The following IPP variants were observed in gnomAD, a reference collection of about 807,000 sequenced individuals.
The protein encoded by IPP is intracisternal A particle-promoted polypeptide.
Under a neutral mutation model 64.1 loss-of-function variants are expected in IPP, and 41 were observed. The observed-to-expected ratio is 0.64, with a 90% CI of 0.50 to 0.83. The LOEUF (loss-of-function observed/expected upper bound fraction) is 0.83, where lower values mean the gene tolerates loss of function less well. Ranked by LOEUF, IPP falls within the 40% of genes least tolerant of loss-of-function variation. The probability of loss-of-function intolerance (pLI) is 0.00; values close to 1 mark genes in which losing one functional copy is unlikely to be tolerated. For synonymous variants in IPP, 214 were observed against 235.2 expected, an observed-to-expected ratio of 0.91 and a Z score of 0.83; for missense variants, 649 against 703.0, an observed-to-expected ratio of 0.92 and a Z score of 0.87.
intron 7 of IPP, among the ~76,000 whole-genome samples, chr1:45,715,095 T>C (rs1039890352): frequency 1.3e-5 from 2 of 150,064 alleles, no homozygotes; most frequent in Non-Finnish European, 2.9e-5. Flanking sequence ...CTTAGGAGAC[T>C]GAGGTGGGAG....
intron 2 of IPP, among the ~76,000 whole-genome samples, chr1:45,744,512 T>C (rs1646108837): frequency 6.6e-6 from 1 of 152,030 alleles, no homozygotes; most frequent in Non-Finnish European, 1.5e-5. Context: ...TAGCTGGGAC[T>C]AAAGACACAA....
intron 1 of IPP, among the ~76,000 whole-genome samples, chr1:45,750,233 G>T (rs1239743761): frequency 2.6e-5 from 4 of 152,172 alleles, no homozygotes; most frequent in Non-Finnish European, 5.9e-5. Context: ...TGAGTTGGGG[G>T]CCCGGCCTAG....
At position 45,699,886 on chromosome 1, in the gene IPP, C is replaced by A. The variant is rs1645428847; in HGVS notation, c.*80G>T. 6.4e-7 allele frequency: 1 copy of A among 1,561,432 alleles called. No homozygotes were observed. The highest frequency in any genetic ancestry group is 1.2e-5 in the South Asian group (1 of 82,126). ...AACTCACAGAATCAGAGGGTCTTATCACCAAATCTATGTTTGCTTTGCAAA... is the reference window on the plus strand; with the variant it reads ...AACTCACAGAATCAGAGGGTCTTATAACCAAATCTATGTTTGCTTTGCAAA... On this transcript the variant is annotated 3_prime_UTR_variant, in exon 9 of 9. Transcript: ENST00000396478.
intron 3 of IPP, among the ~76,000 whole-genome samples, chr1:45,739,394 G>A (rs1283684088): frequency 6.7e-6 from 1 of 148,480 alleles, no homozygotes; most frequent in African/African-American, 2.5e-5. Flanking sequence ...CCACCGTGCT[G>A]GGCTAATTTT....
intron 8 of IPP, among the ~76,000 whole-genome samples, chr1:45,706,671 G>A (rs911595628): frequency 5.3e-5 from 8 of 152,156 alleles, no homozygotes; most frequent in South Asian, 2.1e-4. Flanking sequence ...GGCTGATCTC[G>A]AACTCCTTAC....
At chr1:45,734,106 TA>T (rs1209345134) in intron 3 of IPP, among the ~76,000 whole-genome samples, 28 of 152,030 alleles carry the variant, frequency 1.8e-4, no homozygotes, top group African/African-American at 6.7e-4. Flanking sequence ...ACTACAAATA[TA>T]TATATAAATA....
chr1:45,723,982 C>T (rs142876656), intron 5 of IPP, among the ~76,000 whole-genome samples: 1 of 150,024 alleles, frequency 6.7e-6, no homozygotes, highest in Admixed American at 6.7e-5. Context: ...CCCTCCCCCT[C>T]CCTCTCCCTC....
intron 2 of IPP, among the ~76,000 whole-genome samples, chr1:45,744,825 G>A (rs1003418499): frequency 2.0e-5 from 3 of 149,404 alleles, no homozygotes; most frequent in Admixed American, 6.7e-5. Context: ...GTGACAGAGC[G>A]AGACTCTGTC....
intron 5 of IPP, among the ~76,000 whole-genome samples, chr1:45,721,102 G>A (rs928279093): frequency 6.6e-6 from 1 of 152,160 alleles, no homozygotes; most frequent in Admixed American, 6.6e-5. Flanking sequence ...TGAGGGTCTA[G>A]AATCCTGAAT....
chr1:45,739,316 C>T (rs1646025692), intron 3 of IPP, among the ~76,000 whole-genome samples: 1 of 152,024 alleles, frequency 6.6e-6, no homozygotes, highest in African/African-American at 2.4e-5. Flanking sequence ...TCAATGTAGC[C>T]TTGACCTCCT....
At chr1:45,714,048 A>T (rs1354156630) in intron 8 of IPP, among the ~76,000 whole-genome samples, 198 bp downstream of exon 8, 2 of 152,162 alleles carry the variant, frequency 1.3e-5, no homozygotes, top group Non-Finnish European at 2.9e-5. Flanking sequence ...ATGGAAAAGT[A>T]AGAACAGAAA....
Position 45,699,156 on chromosome 1 carries a change from A to C in IPP, c.*810T>G, listed in dbSNP as rs192144933. On this transcript the variant is annotated 3_prime_UTR_variant, in exon 9 of 9. Coordinates refer to ENST00000396478, the MANE Select transcript of IPP (RefSeq NM_005897.3). ...CAGGATCAAGACAAAAAATATGAGC[A>C]AGCAAAAACTTATCATCAAGCAAAA... 2.3e-5 allele frequency: 23 copies of C among 985,422 alleles called. No homozygotes were observed. In the African/African-American group the frequency reaches 3.3e-4, roughly 14 times the overall value. The allele number at this position is 985,422 out of a possible 1,614,324, so 61.0% of individuals were successfully genotyped here. A position where few individuals can be genotyped will look rare whatever the true frequency, so the allele number is the denominator to read the frequency against.
At position 45,699,704 on chromosome 1, in the gene IPP, C is replaced by T. The variant is rs1036329375; in HGVS notation, c.*262G>A. On this transcript the variant is annotated 3_prime_UTR_variant, in exon 9 of 9. Coordinates refer to ENST00000396478, the MANE Select transcript of IPP (RefSeq NM_005897.3). Reference sequence around the variant, plus strand: ...AAGAGACAGGATCTCATTCTGTTGCCCAGAGTGGAGTGCAGTGGCATGATC... The same window carrying T: ...AAGAGACAGGATCTCATTCTGTTGCTCAGAGTGGAGTGCAGTGGCATGATC... 15 of 1,131,088 alleles carry T rather than the reference C, an allele frequency of 1.3e-5. No homozygotes were observed. Among genetic ancestry groups the T allele is most frequent in the Middle Eastern group, 3.4e-4 (1 of 2,930 alleles). The allele number at this position is 1,131,088 out of a possible 1,614,324, so 70.1% of individuals were successfully genotyped here.
chr1:45,698,278 G>A (rs1645404752), downstream of IPP, among the ~76,000 whole-genome samples: 1 of 152,070 alleles, frequency 6.6e-6, no homozygotes, highest in African/African-American at 2.4e-5. Flanking sequence ...GGCAACAAGA[G>A]CAAAATTCCA....
intron 8 of IPP, among the ~76,000 whole-genome samples, chr1:45,705,931 C>A (rs1449848455): frequency 2.0e-5 from 3 of 152,074 alleles, no homozygotes; most frequent in Non-Finnish European, 2.9e-5. Flanking sequence ...CCTGGAGGGG[C>A]TTTTTGAAAA....
intron 2 of IPP, among the ~76,000 whole-genome samples, chr1:45,743,535 T>C (rs28844317): frequency 0.53 from 80,088 of 151,392 alleles, 21,287 homozygotes; most frequent in Middle Eastern, 0.6. Context: ...GCAACATAGC[T>C]AGACATAATC....
At chr1:45,739,867 G>A (rs997486936) in intron 3 of IPP, among the ~76,000 whole-genome samples, 10 of 146,778 alleles carry the variant, frequency 6.8e-5, no homozygotes, top group African/African-American at 1.3e-4. Flanking sequence ...GGTGTTTCTC[G>A]TAGAGGGGGA....
At chr1:45,750,390 G>A (rs1056213392) in intron 1 of IPP, among the ~76,000 whole-genome samples, 1 of 152,172 alleles carries the variant, frequency 6.6e-6, no homozygotes, top group African/African-American at 2.4e-5. Context: ...GGCGGGGGAG[G>A]CAGGAGCGGT....
rs377153035 is a variant in IPP, at chr1:45,746,163, A to G, written c.249T>C (p.Ile83=). 15 of 1,613,944 alleles carry G rather than the reference A, an allele frequency of 9.3e-6. No homozygotes were observed. In the East Asian group the frequency reaches 3.1e-4, roughly 34 times the overall value. Residue 83 remains isoleucine, a synonymous_variant, in exon 2 of 9, where the codon ATT becomes ATC. Coordinates refer to ENST00000396478, the MANE Select transcript of IPP (RefSeq NM_005897.3). The part of the protein sequence containing the change: ...SSKDVVPILG[I]EAGIFQILLD... ...GAAGTATCTGAAAGATTCCTGCTTC[A>G]ATTCCTAGAATCGGTACAACATCTT...
Sources: gnomAD v4.1 joint callset for allele counts (sites outside exome capture counted in the v4.1 genomes callset) on GRCh38, gnomAD v4.1.1 for gene constraint, MANE v1.5 for transcripts, NCBI Gene and HGNC (gene_info 2026-07-23, HGNC 2026-07-21) for gene names.